HEATR6: variants seen among roughly 807,000 people sequenced by gnomAD.
HEATR6 encodes HEAT repeat containing 6, also known as HEAT repeat-containing protein 6.
A neutral mutation model predicts 132.8 loss-of-function variants in HEATR6; 106 were observed. That is an observed-to-expected ratio of 0.80 (90% CI 0.68 to 0.94). The LOEUF (loss-of-function observed/expected upper bound fraction) is 0.94. Among genes scored for constraint, HEATR6 ranks in the 40% least tolerant of loss-of-function variants. HEATR6 has a pLI of 0.00. For synonymous variants in HEATR6, 529 were observed against 537.8 expected (o/e 0.98, Z 0.23); for missense variants, 1,339 against 1,425.1 (o/e 0.94, Z 0.97).
rs1227285024 is a variant in HEATR6, at chr17:60,073,172, TAA to T, written c.574_575del (p.Leu192MetfsTer33). ...TGACTGGAGCCACATACCTGAGACA[TAA>T]GTTTGCCATACAATGTACTGCAGCT... ...RRAAVHCMAN[L>X]CLSVPGQPYL... On this transcript the variant is annotated frameshift_variant, in exon 4 of 20. Coordinates refer to ENST00000184956, the MANE Select transcript of HEATR6 (RefSeq NM_022070.5). LOFTEE classifies it high-confidence loss of function. The T allele has an allele frequency of 6.3e-7, 1 of 1,596,490 alleles. No homozygotes were observed. Among genetic ancestry groups the T allele is most frequent in the Admixed American group, 1.7e-5 (1 of 59,954 alleles).
rs1406555498 is a variant in HEATR6, at chr17:60,043,795, T to A, written c.3314A>T (p.Tyr1105Phe). 6.2e-7 allele frequency: 1 copy of A among 1,614,044 alleles called. No individual in the cohort carries two copies. The highest frequency in any genetic ancestry group is 8.5e-7 in the Non-Finnish European group (1 of 1,180,028). The change falls in exon 20 of 20, where the codon TAT becomes TTT. Residue 1105 changes from tyrosine to phenylalanine, a missense_variant. Coordinates refer to ENST00000184956, the MANE Select transcript of HEATR6 (RefSeq NM_022070.5). ...LELSGNMVQS[Y>F]ILQFLKSGAE... ...TCCTGATTTTAAAAACTGTAGAATATAGGACTGGACCATATTCCCACTCAG... is the reference window on the plus strand; with the variant it reads ...TCCTGATTTTAAAAACTGTAGAATAAAGGACTGGACCATATTCCCACTCAG...
intron 19 of HEATR6, among the ~76,000 whole-genome samples, chr17:60,045,622 T>C (rs1383036578): frequency 6.6e-6 from 1 of 152,204 alleles, no homozygotes; most frequent in Non-Finnish European, 1.5e-5. Context: ...ATATGCTTAT[T>C]GTAGACAACT....
intron 16 of HEATR6, 21 bp from the exon 17 acceptor site, chr17:60,048,409 C>G (rs748961939): frequency 6.3e-7 from 1 of 1,594,756 alleles, no homozygotes; most frequent in Non-Finnish European, 8.6e-7. Context: ...AAACAAAACA[C>G]TGCAGTTACT....
intron 13 of HEATR6, among the ~76,000 whole-genome samples, 159 bp from the exon 14 acceptor site, chr17:60,055,760 T>C (rs543086201): frequency 1.3e-5 from 2 of 152,268 alleles, no homozygotes; most frequent in East Asian, 1.9e-4. Context: ...CACCTTCACT[T>C]TAGTAACACC....
rs150868443 is a variant in HEATR6 at position 60,069,595 on chromosome 17, C to T, written c.939+116G>A. 5.4e-4 allele frequency: 519 copies of T among 967,270 alleles called. 3 individuals are homozygous for T. The African/African-American group carries it at 7.8e-3, about 15-fold the overall frequency. 59.9% of individuals were successfully genotyped at this position (967,270 alleles called of 1,614,324 possible). ...AATTTACTATGCTAACAACCCTAAA[C>T]TGAAATAAAATTCAAGGTAGGCTTT... is the stretch of plus-strand genomic sequence containing the variant. On this transcript the variant is annotated intron_variant, in intron 7 of 19. Transcript: ENST00000184956.
At chr17:60,068,267 G>A (rs1009167639) in intron 7 of HEATR6, among the ~76,000 whole-genome samples, 4 of 151,892 alleles carry the variant, frequency 2.6e-5, no homozygotes, top group African/African-American at 9.7e-5. Flanking sequence ...CAGGGCTTTG[G>A]GTCTCTGTAG....
intron 2 of HEATR6, 104 bp downstream of exon 2, chr17:60,076,026 C>T: frequency 1.6e-6 from 1 of 624,828 alleles, no homozygotes; most frequent in Non-Finnish European, 2.8e-6. Flanking sequence ...CCTATAGCAT[C>T]TCAAAAAACA....
At position 60,072,044 on chromosome 17, in the gene HEATR6, T is replaced by A. The variant is rs28691777; in HGVS notation, c.699+171A>T. ...AATATAACAAATAAAAAGCTTCTTA[T>A]AATTTAAACCGAAATGGTATGATTT... On this transcript the variant is annotated intron_variant, in intron 5 of 19. Coordinates refer to ENST00000184956, the MANE Select transcript of HEATR6 (RefSeq NM_022070.5). Among the ~76,000 whole-genome samples, 5 of 152,160 alleles carry A rather than the reference T, an allele frequency of 3.3e-5. No homozygotes were observed. The South Asian group carries it at 8.3e-4, about 25-fold the overall frequency.
intron 1 of HEATR6, among the ~76,000 whole-genome samples, chr17:60,077,194 G>C (rs531533457): frequency 2.6e-5 from 4 of 152,300 alleles, no homozygotes; most frequent in African/African-American, 9.6e-5. Context: ...ACTCTGTCCA[G>C]AAACAGTAAT....
chr17:60,063,332 C>T (rs1036325715), intron 9 of HEATR6: 2 of 152,052 alleles, frequency 1.3e-5, no homozygotes, highest in Non-Finnish European at 2.9e-5. Flanking sequence ...AAAGGTTTGC[C>T]CTGTAGTTTG....
chr17:60,075,015 A>G (rs2083289510), intron 2 of HEATR6, among the ~76,000 whole-genome samples: 1 of 152,234 alleles, frequency 6.6e-6, no homozygotes, highest in Non-Finnish European at 1.5e-5. Context: ...ATTCACAATA[A>G]GACCATCCTC....
rs1389498089 is a variant in HEATR6, at chr17:60,048,404, A to C, written c.2548-16T>G. Reference sequence around the variant, plus strand: ...ATATGACATCCTGTAACACAAAACAAAACACTGCAGTTACTTTAGCAGGTC... The same window carrying C: ...ATATGACATCCTGTAACACAAAACACAACACTGCAGTTACTTTAGCAGGTC... On this transcript the variant is annotated splice_polypyrimidine_tract_variant and intron_variant, in intron 16 of 19. Transcript: ENST00000184956. 1.2e-6 allele frequency: 2 copies of C among 1,601,990 alleles called. No homozygotes were observed. The highest frequency in any genetic ancestry group is 2.7e-5 in the African/African-American group (2 of 74,742).
At position 60,049,496 on chromosome 17, in the gene HEATR6, C is replaced by T. The variant is rs529965475; in HGVS notation, c.2547+84G>A. The T allele has an allele frequency of 2.0e-5, 29 of 1,484,640 alleles. No individual in the cohort carries two copies. The African/African-American group carries it at 3.4e-4, about 17-fold the overall frequency. The allele number at this position is 1,484,640 out of a possible 1,614,324, so 92.0% of individuals were successfully genotyped here. ...AAGCAATTTAGTTTCCTTTACCATCCAATGCAGGAGCTCTATATCCACAAA... is the reference window on the plus strand; with the variant it reads ...AAGCAATTTAGTTTCCTTTACCATCTAATGCAGGAGCTCTATATCCACAAA... On this transcript the variant is annotated intron_variant, in intron 16 of 19. Transcript: ENST00000184956.
At position 60,043,745 on chromosome 17, in the gene HEATR6, G is replaced by A. The variant is rs769144742; in HGVS notation, c.3364C>T (p.Pro1122Ser). 11 of 1,614,034 alleles carry A rather than the reference G, an allele frequency of 6.8e-6. No individual in the cohort carries two copies. The highest frequency in any genetic ancestry group is 4.4e-5 in the South Asian group (4 of 91,094). ...SGAEGDDTGA[P>S]HSPQERDQMV... Reference sequence around the variant, plus strand: ...TGGTCTCTTTCCTGTGGGCTGTGGGGTGCTCCAGTGTCATCTCCCTCTGCT... The same window carrying A: ...TGGTCTCTTTCCTGTGGGCTGTGGGATGCTCCAGTGTCATCTCCCTCTGCT... The change falls in exon 20 of 20, where the codon CCC becomes TCC. Residue 1122 changes from proline to serine, a missense_variant. Pro to Ser is a moderately conservative substitution (Grantham distance 74). Transcript: ENST00000184956.
At chr17:60,078,142 A>T (rs1476593568) in intron 1 of HEATR6, among the ~76,000 whole-genome samples, 2 of 152,198 alleles carry the variant, frequency 1.3e-5, no homozygotes, top group African/African-American at 2.4e-5. Flanking sequence ...AACAGTTCAG[A>T]GAATTCATTA....
At position 60,077,629 on chromosome 17, in the gene HEATR6, G is replaced by A. The variant is rs2083303163; in HGVS notation, c.219+1067C>T. 6.6e-5 allele frequency among the ~76,000 whole-genome samples: 10 copies of A among 152,272 alleles called. No individual in the cohort carries two copies. The South Asian group carries it at 2.1e-3, about 32-fold the overall frequency. On this transcript the variant is annotated intron_variant, in intron 1 of 19. Transcript: ENST00000184956. ...TTCTGTATGAATTGTCCTGCAACTTGCTTCAACCATTTACCAATACGTATT... is the reference window on the plus strand; with the variant it reads ...TTCTGTATGAATTGTCCTGCAACTTACTTCAACCATTTACCAATACGTATT...
chr17:60,050,095 G>C (rs1456345161), intron 15 of HEATR6, among the ~76,000 whole-genome samples: 4 of 152,156 alleles, frequency 2.6e-5, no homozygotes, highest in African/African-American at 9.7e-5. Flanking sequence ...TCACTCCCAG[G>C]ATGATGGTAT....
At chr17:60,066,444 A>G in intron 8 of HEATR6, 58 bp from the exon 9 acceptor site, 1 of 1,255,090 alleles carries the variant, frequency 8.0e-7, no homozygotes, top group Non-Finnish European at 1.1e-6. Flanking sequence ...TTTAAAAAAA[A>G]TGCAAACATG....
chr17:60,043,919 A>G lies in HEATR6; in HGVS notation c.3190T>C (p.Tyr1064His). 1 of 1,614,110 alleles carries G rather than the reference A, an allele frequency of 6.2e-7. No individual in the cohort carries two copies. Among genetic ancestry groups the G allele is most frequent in the Non-Finnish European group, 8.5e-7 (1 of 1,179,984 alleles). ...EDTIDFLEFK[Y>H]CVSLRTQICQ... The stretch of plus-strand genomic sequence containing the variant: ...ATTTGGGTCCGTAGGCTGACACAGT[A>G]CTTGAATTCCAAAAAGTCTATGGTG... Residue 1064 changes from tyrosine (Y) to histidine (H), a missense_variant, in exon 20 of 20, where the codon TAC becomes CAC. Transcript: ENST00000184956.
Sources: allele counts gnomAD v4.1 joint callset (sites outside exome capture counted in the v4.1 genomes callset), GRCh38; gene constraint gnomAD v4.1.1; transcripts MANE v1.5; gene names NCBI Gene and HGNC (gene_info 2026-07-23, HGNC 2026-07-21).